KANSL1: variants seen among roughly 807,000 people sequenced by gnomAD.
KANSL1 encodes the protein KAT8 regulatory NSL complex subunit 1.
KANSL1 carries 22 observed loss-of-function variants against 103.6 expected under a neutral mutation model. The observed-to-expected ratio is 0.21, with a 90% CI of 0.15 to 0.30. The LOEUF (loss-of-function observed/expected upper bound fraction) is 0.30, where lower values mean the gene tolerates loss of function less well. Among genes scored for constraint, KANSL1 ranks in the 10% least tolerant of loss-of-function variants. The probability of loss-of-function intolerance (pLI) is 1.00; values close to 1 mark genes in which losing one functional copy is unlikely to be tolerated. For synonymous variants in KANSL1, 600 were observed against 527.6 expected (o/e 1.14, Z -1.88); for missense variants, 1,337 against 1,399.8 (o/e 0.96, Z 0.72).
rs554160769 is a variant in KANSL1, at chr17:46,219,624, C to T, written c.-90+4047G>A. 6.6e-5 allele frequency among the ~76,000 whole-genome samples: 10 copies of T among 152,364 alleles called. No homozygotes were observed. In the East Asian group the frequency reaches 1.9e-3, roughly 29 times the overall value. The stretch of plus-strand genomic sequence containing the variant: ...TCCAGCGATCTGCCTGTTCAGCCTC[C>T]TAAAGTGCTAGGATTACAGGCGTGA... On this transcript the variant is annotated intron_variant, in intron 1 of 14. Coordinates refer to the KANSL1 transcript ENST00000572904.
In KANSL1 at chr17:46,038,555, C is replaced by A; in HGVS notation, c.2524G>T (p.Val842Phe). Residue 842 changes from valine to phenylalanine, a missense_variant, in exon 10 of 15, where the codon GTT (valine) becomes TTT (phenylalanine). This residue lies in a region of KANSL1 where 780 missense variants were observed against 923.4 expected (regional missense o/e 0.84). Transcript: ENST00000432791. Reference sequence around the variant, plus strand: ...GTACTTACCGATGTGCTGGCTGTAACCTGTGAGCTAGAGCTGGCGGGTGCA... The same window carrying A: ...GTACTTACCGATGTGCTGGCTGTAAACTGTGAGCTAGAGCTGGCGGGTGCA... ...SPAPASSSSQ[V>F]TASTSQQPVR... The A allele has an allele frequency of 6.2e-7, 1 of 1,614,032 alleles. No homozygotes were observed. Among genetic ancestry groups the A allele is most frequent in the Non-Finnish European group, 8.5e-7 (1 of 1,179,978 alleles).
At chr17:46,132,937 G>A (rs1028070388) in intron 2 of KANSL1, among the ~76,000 whole-genome samples, 3 of 151,152 alleles carry the variant, frequency 2.0e-5, no homozygotes, top group Non-Finnish European at 3.0e-5. Flanking sequence ...CAGCAAGACC[G>A]TGTCTCGAAA....
At chr17:46,115,269 A>T (rs375613749) in intron 2 of KANSL1, among the ~76,000 whole-genome samples, 1 of 152,216 alleles carries the variant, frequency 6.6e-6, no homozygotes, top group Non-Finnish European at 1.5e-5. Context: ...CATGTTGGCC[A>T]GGCTGGTCTC....
chr17:46,141,439 G>A (rs1315513380), intron 2 of KANSL1, among the ~76,000 whole-genome samples: 2 of 152,200 alleles, frequency 1.3e-5, no homozygotes, highest in Non-Finnish European at 2.9e-5. Flanking sequence ...ACTTCACTGG[G>A]GGAGCATAGG....
At chr17:46,073,084 T>C (rs778862333) in intron 4 of KANSL1, among the ~76,000 whole-genome samples, 30 of 152,336 alleles carry the variant, frequency 2.0e-4, no homozygotes, top group Middle Eastern at 3.4e-3. Context: ...AAAACCCTTG[T>C]CAGGCCAATG....
intron 1 of KANSL1, among the ~76,000 whole-genome samples, chr17:46,176,076 G>C (rs1432326569): frequency 6.6e-6 from 1 of 152,202 alleles, no homozygotes; most frequent in East Asian, 1.9e-4. Flanking sequence ...TATGAGCAAT[G>C]CAAGGAGGCA....
At chr17:46,189,062 A>T (rs1263413504) in intron 1 of KANSL1, among the ~76,000 whole-genome samples, 2 of 137,886 alleles carry the variant, frequency 1.5e-5, no homozygotes, top group African/African-American at 5.6e-5. Context: ...AAAAAAAAAA[A>T]AAAAGACAAG....
chr17:46,196,675 A>G (rs2047620866), upstream of KANSL1: 2 of 283,254 alleles, frequency 7.1e-6, no homozygotes, highest in African/African-American at 4.5e-5. Context: ...TAATTGCTTA[A>G]GCCAATTTGA....
At chr17:46,079,939 T>C (rs1373087827) in intron 4 of KANSL1, among the ~76,000 whole-genome samples, 6 of 151,358 alleles carry the variant, frequency 4.0e-5, no homozygotes, top group Non-Finnish European at 5.9e-5. Flanking sequence ...GTCGCACCAC[T>C]GCACTCCAGC....
chr17:46,180,511 AAAT>A, intron 1 of KANSL1, among the ~76,000 whole-genome samples: 1 of 152,254 alleles, frequency 6.6e-6, no homozygotes, highest in African/African-American at 2.4e-5. Context: ...AAAAAGAAAT[AAAT>A]AATAAAAATA....
chr17:46,071,043 C>A (rs1276583110), intron 4 of KANSL1, among the ~76,000 whole-genome samples: 1 of 152,176 alleles, frequency 6.6e-6, no homozygotes, highest in Non-Finnish European at 1.5e-5. Flanking sequence ...TAGCTAACTA[C>A]TACTGCTATA....
At chr17:46,061,055 A>G (rs983054013) in intron 6 of KANSL1, among the ~76,000 whole-genome samples, 3 of 152,222 alleles carry the variant, frequency 2.0e-5, no homozygotes, top group Non-Finnish European at 4.4e-5. Context: ...AGGGTATGTT[A>G]GTAATAAATG....
chr17:46,034,156 T>C lies in KANSL1; in HGVS notation c.2666+5A>G. The C allele has an allele frequency of 6.2e-7, 1 of 1,613,734 alleles. No homozygotes were observed. The highest frequency in any genetic ancestry group is 1.7e-5 in the Admixed American group (1 of 59,966). On this transcript the variant is annotated splice_donor_5th_base_variant and intron_variant, in intron 11 of 14. Coordinates refer to ENST00000432791, the MANE Select transcript of KANSL1 (RefSeq NM_015443.4). The stretch of plus-strand genomic sequence containing the variant: ...GGAGAGGAGCCAACTATTCTGAGCT[T>C]CTACCTGGGCGTAAGGATTTCCTTG...
chr17:46,077,027 A>G (rs62060845), intron 4 of KANSL1, among the ~76,000 whole-genome samples: 21,798 of 152,110 alleles, frequency 0.14, 2,134 homozygotes, highest in Non-Finnish European at 0.22. Context: ...TTTTCTTGCA[A>G]TATTGCATTA....
At chr17:46,047,814 AAAAAC>A in intron 7 of KANSL1, among the ~76,000 whole-genome samples, 1 of 136,442 alleles carries the variant, frequency 7.3e-6, no homozygotes, top group East Asian at 1.9e-4. Flanking sequence ...AAAAAAAAAA[AAAAAC>A]AAAAAAAAAA....
At chr17:46,110,694 T>C (rs1393118228) in intron 2 of KANSL1, among the ~76,000 whole-genome samples, 1 of 152,190 alleles carries the variant, frequency 6.6e-6, no homozygotes, top group Non-Finnish European at 1.5e-5. Context: ...AGTATTTGAT[T>C]GTCAAATATA....
At chr17:46,125,094 G>A (rs1187181907) in intron 2 of KANSL1, among the ~76,000 whole-genome samples, 1 of 72,156 alleles carries the variant, frequency 1.4e-5, no homozygotes, top group Non-Finnish European at 3.0e-5. Context: ...GAGAGGGAGG[G>A]AGGGAGAGAG....
chr17:46,135,216 T>C (rs1284868016), intron 2 of KANSL1, among the ~76,000 whole-genome samples: 4 of 151,586 alleles, frequency 2.6e-5, no homozygotes, highest in Non-Finnish European at 5.9e-5. Flanking sequence ...GATGAAATAA[T>C]ATGTTGTACA....
At chr17:46,046,750 T>A (rs2077522998) in intron 7 of KANSL1, among the ~76,000 whole-genome samples, 1 of 150,106 alleles carries the variant, frequency 6.7e-6, no homozygotes, top group Non-Finnish European at 1.5e-5. Context: ...GGCAGGAGAA[T>A]TGCTTGAACT....
Sources: gnomAD v4.1 joint callset for allele counts (sites outside exome capture counted in the v4.1 genomes callset) on GRCh38, gnomAD v4.1.1 for gene constraint, gnomAD v4.1.1 regional missense constraint, MANE v1.5 for transcripts, NCBI Gene and HGNC (gene_info 2026-07-23, HGNC 2026-07-21) for gene names.